LRRC74B: variants seen among roughly 807,000 people sequenced by gnomAD.
The protein encoded by LRRC74B is leucine-rich repeat-containing protein 74B.
LRRC74B carries 30 observed loss-of-function variants against 16.6 expected under a neutral mutation model. The ratio of observed to expected loss-of-function variants is 1.80; its 90% CI spans 1.35 to 2.45. LRRC74B has a LOEUF of 2.45. Among genes scored for constraint, LRRC74B ranks in the 30% most tolerant of loss-of-function variants. The pLI is 0.00. For missense variants in LRRC74B, 326 were observed against 202.4 expected (o/e 1.61, Z -3.71); for synonymous variants, 134 against 86.0 (o/e 1.56, Z -3.09).
intron 7 of LRRC74B, chr22:21,056,596 GCACA>G (rs747195504): frequency 0.072 from 10,059 of 140,130 alleles, 609 homozygotes; most frequent in East Asian, 0.28. Flanking sequence ...CAAGCTTGGA[GCACA>G]CACACACACA....
chr22:21,056,089 T>C (rs1450716640), intron 7 of LRRC74B, among the ~76,000 whole-genome samples: 2 of 152,196 alleles, frequency 1.3e-5, no homozygotes, highest in Non-Finnish European at 2.9e-5. Flanking sequence ...TTCTGTGAAC[T>C]TGCGGGATTC....
chr22:21,058,792 T>C (rs532318853), intron 8 of LRRC74B, among the ~76,000 whole-genome samples: 16 of 152,370 alleles, frequency 1.1e-4, no homozygotes, highest in Non-Finnish European at 2.1e-4. Flanking sequence ...TTATCCTGCC[T>C]GAATATACAC....
intron 7 of LRRC74B, 80 bp downstream of exon 7, chr22:21,055,256 C>T: frequency 1.5e-6 from 1 of 675,196 alleles, no homozygotes; most frequent in Non-Finnish European, 2.7e-6. Flanking sequence ...CCCACAGCCC[C>T]CACCCAGGGG....
chr22:21,062,623 G>C (rs972009435), downstream of LRRC74B: 2 of 146,910 alleles, frequency 1.4e-5, no homozygotes, highest in Non-Finnish European at 3.0e-5. Flanking sequence ...TGAGGCAAGA[G>C]AGTTACTTGA....
intron 8 of LRRC74B, among the ~76,000 whole-genome samples, chr22:21,057,785 A>C (rs1231786071): frequency 2.8e-5 from 4 of 142,974 alleles, no homozygotes; most frequent in African/African-American, 1.1e-4. Flanking sequence ...ACCTGGCTAA[A>C]GTTTTTAGAG....
In LRRC74B at chr22:21,047,341, C is replaced by T. The variant is rs1437014644; in HGVS notation, c.140-15C>T. The T allele has an allele frequency of 1.4e-6, 1 of 716,656 alleles. No individual in the cohort carries two copies. 44.4% of individuals were successfully genotyped at this position (716,656 alleles called of 1,614,324 possible). On this transcript the variant is annotated splice_polypyrimidine_tract_variant and intron_variant, in intron 1 of 8. Transcript: ENST00000442047. ...GCTGTGCAGGGTCCACATTCGTCCC[C>T]CTGTCTCCTGCCAGGCACCGATGGG...
chr22:21,051,503 T>TA (rs764820555), intron 4 of LRRC74B, among the ~76,000 whole-genome samples: 23 of 152,066 alleles, frequency 1.5e-4, no homozygotes, highest in Admixed American at 3.9e-4. Flanking sequence ...ATCTCCTCTC[T>TA]ACCACAGCTG....
chr22:21,052,106 C>T, intron 4 of LRRC74B, 143 bp from the exon 5 acceptor site: 1 of 636,906 alleles, frequency 1.6e-6, no homozygotes, highest in Non-Finnish European at 2.9e-6. Context: ...AATGTGAGTT[C>T]CTTAAGGGCA....
intron 1 of LRRC74B, among the ~76,000 whole-genome samples, chr22:21,046,803 AT>A (rs1006870707): frequency 6.6e-6 from 1 of 151,866 alleles, no homozygotes; most frequent in African/African-American, 2.4e-5. Context: ...TAATATAAAA[AT>A]TTTTTGGCTG....
downstream of LRRC74B, chr22:21,062,273 A>G (rs1291432825): frequency 6.6e-6 from 1 of 152,176 alleles, no homozygotes; most frequent in African/African-American, 2.4e-5. Flanking sequence ...GTGTTCTAAA[A>G]TTGATTGTGG....
intron 4 of LRRC74B, 96 bp from the exon 5 acceptor site, chr22:21,052,153 C>A: frequency 1.4e-6 from 1 of 694,382 alleles, no homozygotes; most frequent in South Asian, 1.5e-5. Flanking sequence ...TGTGACCCTC[C>A]TGCCCAGCAG....
At chr22:21,057,154 C>G (rs1336681831) in exon 8 of LRRC74B, 1 of 717,372 alleles carries the variant, frequency 1.4e-6, no homozygotes. Context: ...CTCCTCAAGT[C>G]TGTCCAGGAC....
At chr22:21,062,442 C>A (rs570106301), downstream of LRRC74B, 1 of 152,106 alleles carries the variant, frequency 6.6e-6, no homozygotes. Context: ...TGGCCAGGCG[C>A]GGTGGCTCAC....
At chr22:21,062,397 G>A (rs1435148821), downstream of LRRC74B, 2 of 152,268 alleles carry the variant, frequency 1.3e-5, no homozygotes, top group East Asian at 3.9e-4. Context: ...AATATCATAC[G>A]GGTTGAGCCT....
At chr22:21,047,799 C>A in intron 2 of LRRC74B, 85 bp from the exon 3 acceptor site, 1 of 685,410 alleles carries the variant, frequency 1.5e-6, no homozygotes. Flanking sequence ...AAGGGGAGGG[C>A]TTTCCAGCTG....
At chr22:21,053,756 T>A in intron 6 of LRRC74B, 1 of 264,662 alleles carries the variant, frequency 3.8e-6, no homozygotes, top group South Asian at 9.2e-5. Context: ...CCCAAGTAGC[T>A]GGGACTACAG....
chr22:21,052,337 G>A, exon 5 of LRRC74B: 1 of 717,466 alleles, frequency 1.4e-6, no homozygotes. Flanking sequence ...CAGGAGCTGT[G>A]GCATTTGCCA....
At chr22:21,056,970 A>G (rs1344245335) in intron 7 of LRRC74B, 135 bp from the exon 8 acceptor site, 8 of 613,714 alleles carry the variant, frequency 1.3e-5, no homozygotes, top group Non-Finnish European at 2.0e-5. Context: ...TATCTGATGG[A>G]GACACCTTCT....
intron 8 of LRRC74B, among the ~76,000 whole-genome samples, chr22:21,058,187 A>G (rs1930649215): frequency 6.6e-6 from 1 of 151,436 alleles, no homozygotes; most frequent in Non-Finnish European, 1.5e-5. Context: ...GGCATGATCC[A>G]TTGCGCCTGG....
Sources: allele counts gnomAD v4.1 joint callset (sites outside exome capture counted in the v4.1 genomes callset), GRCh38; gene constraint gnomAD v4.1.1; transcripts MANE v1.5; gene names NCBI Gene and HGNC (gene_info 2026-07-23, HGNC 2026-07-21).